Variants in NRIP1 observed in about 807,000 individuals in gnomAD.
The protein encoded by NRIP1 is nuclear receptor interacting protein 1, also known as nuclear receptor-interacting protein 1.
In NRIP1, 28 loss-of-function variants were observed where a neutral mutation model predicts 75.0. That is an observed-to-expected ratio of 0.37 (90% confidence interval 0.28 to 0.51). The LOEUF is 0.51. Among genes scored for constraint, NRIP1 ranks in the 20% least tolerant of loss-of-function variants. The pLI is 0.92. For synonymous variants in NRIP1, 526 were observed against 487.6 expected, an observed-to-expected ratio of 1.08 and a Z score of -1.04; for missense variants, 1,435 against 1,343.7, an observed-to-expected ratio of 1.07 and a Z score of -1.06.
At chr21:15,035,506 T>C (rs982110447) in intron 2 of NRIP1, among the ~76,000 whole-genome samples, 2 of 151,402 alleles carry the variant, frequency 1.3e-5, no homozygotes, top group South Asian at 2.1e-4. Context: ...GGTTTAAAAC[T>C]AAGAAAATAG....
At chr21:14,985,353 T>C (rs1398826928) in intron 3 of NRIP1, among the ~76,000 whole-genome samples, 1 of 152,210 alleles carries the variant, frequency 6.6e-6, no homozygotes, top group African/African-American at 2.4e-5. Context: ...CCCTGGAATA[T>C]AAATTAATAA....
chr21:15,012,084 G>GA, intron 3 of NRIP1, among the ~76,000 whole-genome samples: 1 of 152,210 alleles, frequency 6.6e-6, no homozygotes, highest in East Asian at 1.9e-4. Flanking sequence ...TGCAGGGTAA[G>GA]ACAAACTATA....
intron 2 of NRIP1, among the ~76,000 whole-genome samples, chr21:15,033,781 G>A (rs1318409993): frequency 6.6e-6 from 1 of 152,192 alleles, no homozygotes; most frequent in African/African-American, 2.4e-5. Flanking sequence ...CAGTTAAGGG[G>A]TAAATCTGGG....
intron 3 of NRIP1, among the ~76,000 whole-genome samples, chr21:14,996,343 C>T (rs2087723409): frequency 6.6e-6 from 1 of 152,110 alleles, no homozygotes; most frequent in Admixed American, 6.6e-5. Context: ...ACAGACTTCT[C>T]TGGATCCCAG....
At chr21:15,059,123 T>C (rs2142218) in intron 1 of NRIP1, among the ~76,000 whole-genome samples, 49,225 of 152,016 alleles carry the variant, frequency 0.32, 11,795 homozygotes, top group African/African-American at 0.66. Flanking sequence ...TGAATAAACA[T>C]CAACATCAGG....
At chr21:15,016,778 G>A (rs1009315746) in intron 2 of NRIP1, among the ~76,000 whole-genome samples, 6 of 151,846 alleles carry the variant, frequency 4.0e-5, no homozygotes, top group African/African-American at 9.7e-5. Flanking sequence ...CCAGCTACTC[G>A]GGAGGCTGAG....
intron 2 of NRIP1, among the ~76,000 whole-genome samples, chr21:15,038,963 C>G (rs1221438393): frequency 1.3e-5 from 2 of 151,900 alleles, no homozygotes; most frequent in Non-Finnish European, 2.9e-5. Flanking sequence ...AATAAATAAA[C>G]TATACTTTAA....
chr21:14,984,854 T>C (rs1435220473), intron 3 of NRIP1, among the ~76,000 whole-genome samples: 2 of 152,268 alleles, frequency 1.3e-5, no homozygotes, highest in Non-Finnish European at 2.9e-5. Context: ...TATAGTTCTC[T>C]GAAGGTTCAG....
intron 3 of NRIP1, among the ~76,000 whole-genome samples, chr21:14,969,889 T>C (rs1568944452): frequency 6.6e-6 from 1 of 152,196 alleles, no homozygotes; most frequent in African/African-American, 2.4e-5. Flanking sequence ...AGGAGTAGGA[T>C]GAGAAGAGAC....
intron 2 of NRIP1, among the ~76,000 whole-genome samples, chr21:15,039,614 A>G (rs1569000366): frequency 6.6e-6 from 1 of 152,146 alleles, no homozygotes; most frequent in East Asian, 1.9e-4. Context: ...AGGCACATCT[A>G]TATGTACACA....
In NRIP1 at chr21:15,000,811, A is replaced by C. The variant is rs1318256010; in HGVS notation, c.-335+13533T>G. ...CAGTACAAATAATTTTGATGCCTATATCCAATTGAAACAAAATTTAATAGT... is the reference window on the plus strand; with the variant it reads ...CAGTACAAATAATTTTGATGCCTATCTCCAATTGAAACAAAATTTAATAGT... On this transcript the variant is annotated intron_variant, in intron 3 of 3. Coordinates refer to ENST00000318948, the MANE Select transcript of NRIP1 (RefSeq NM_003489.4). 2.6e-5 allele frequency among the ~76,000 whole-genome samples: 4 copies of C among 152,208 alleles called. No homozygotes were observed. The East Asian group carries it at 7.7e-4, about 29-fold the overall frequency.
intron 3 of NRIP1, among the ~76,000 whole-genome samples, chr21:14,990,688 CT>C (rs1485230286): frequency 6.6e-6 from 1 of 152,160 alleles, no homozygotes; most frequent in Non-Finnish European, 1.5e-5. Context: ...AAGTGAAACT[CT>C]AATGCAAAGA....
intron 2 of NRIP1, among the ~76,000 whole-genome samples, chr21:15,032,481 G>A (rs1430497419): frequency 1.3e-5 from 2 of 151,240 alleles, no homozygotes; most frequent in Non-Finnish European, 2.9e-5. Context: ...AAAAATATTT[G>A]GATAAATGAT....
chr21:15,005,362 C>T (rs546654559), intron 3 of NRIP1, among the ~76,000 whole-genome samples: 1 of 79,182 alleles, frequency 1.3e-5, no homozygotes, highest in South Asian at 2.8e-4. Flanking sequence ...ATTCACAGAG[C>T]CCCCCAAAGA....
intron 1 of NRIP1, among the ~76,000 whole-genome samples, chr21:15,054,497 T>C (rs1244487261): frequency 6.6e-6 from 1 of 152,186 alleles, no homozygotes; most frequent in Admixed American, 6.5e-5. Flanking sequence ...ATAATGTCAA[T>C]AACAGTCAGT....
At chr21:15,016,657 G>A (rs906291282) in intron 2 of NRIP1, among the ~76,000 whole-genome samples, 9 of 152,182 alleles carry the variant, frequency 5.9e-5, no homozygotes, top group African/African-American at 2.2e-4. Context: ...AGCCGAAATG[G>A]GCAGATCATG....
In NRIP1 at chr21:14,968,315, A is replaced by G. The variant is rs2086817037; in HGVS notation, c.-123T>C. On this transcript the variant is annotated 5_prime_UTR_variant, in exon 4 of 4. Transcript: ENST00000318948. ...TTATCACCTTCCATCGCAATCAGAGAGAGACGTACTGTTACATTCTGTCCA... is the reference window on the plus strand; with the variant it reads ...TTATCACCTTCCATCGCAATCAGAGGGAGACGTACTGTTACATTCTGTCCA... The G allele has an allele frequency of 1.5e-6, 1 of 667,808 alleles. No individual in the cohort carries two copies. The highest frequency in any genetic ancestry group is 2.6e-6 in the Non-Finnish European group (1 of 384,596). The allele number at this position is 667,808 out of a possible 1,614,324, so 41.4% of individuals were successfully genotyped here. A position where few individuals can be genotyped will look rare whatever the true frequency, so the allele number is the denominator to read the frequency against.
intron 2 of NRIP1, among the ~76,000 whole-genome samples, chr21:15,022,477 C>A (rs1314763789): frequency 2.6e-5 from 4 of 152,130 alleles, no homozygotes; most frequent in Admixed American, 6.6e-5. Context: ...ATGCAGTAAA[C>A]CACATGGCAT....
At chr21:15,049,935 A>C (rs1289919510) in intron 1 of NRIP1, among the ~76,000 whole-genome samples, 1 of 152,148 alleles carries the variant, frequency 6.6e-6, no homozygotes, top group Non-Finnish European at 1.5e-5. Context: ...TTCCTAAAAA[A>C]CTTCAATACA....
Sources: gnomAD v4.1 joint callset for allele counts (sites outside exome capture counted in the v4.1 genomes callset) on GRCh38, gnomAD v4.1.1 for gene constraint, MANE v1.5 for transcripts, NCBI Gene and HGNC (gene_info 2026-07-23, HGNC 2026-07-21) for gene names.